Variants in NME9 observed in about 807,000 individuals in gnomAD.
NME9 encodes the protein thioredoxin domain-containing protein 6.
NME9 carries 48 observed loss-of-function variants against 44.4 expected under a neutral mutation model. That is an observed-to-expected ratio of 1.08 (90% CI 0.86 to 1.37). The LOEUF is 1.37. NME9 is among the 40% of genes most tolerant of loss of function. The pLI, the probability that NME9 is intolerant of heterozygous loss-of-function variation, is 0.00. For synonymous variants in NME9, 139 were observed against 147.1 expected (o/e 0.94, Z 0.40); for missense variants, 325 against 405.2 (o/e 0.80, Z 1.70).
chr3:138,269,078 G>A (rs754243046), intron 8 of NME9, among the ~76,000 whole-genome samples: 21 of 152,166 alleles, frequency 1.4e-4, no homozygotes, highest in Non-Finnish European at 1.9e-4. Context: ...TACATAGTAC[G>A]AGAGAGATGA....
At chr3:138,296,347 T>C (rs12972), downstream of NME9, 13,767 of 153,072 alleles carry the variant, frequency 0.09, 655 homozygotes, top group South Asian at 0.2. Flanking sequence ...TCTACAGATT[T>C]TCCAGGGTTT....
intron 9 of NME9, 98 bp from the exon 10 acceptor site, chr3:138,303,741 C>T: frequency 2.0e-6 from 2 of 1,015,402 alleles, no homozygotes; most frequent in African/African-American, 1.6e-5. Context: ...AATCAGCACC[C>T]TGCATTCCTG....
intron 8 of NME9, among the ~76,000 whole-genome samples, chr3:138,272,658 C>T (rs145894247): frequency 4.5e-4 from 69 of 152,248 alleles, no homozygotes; most frequent in African/African-American, 1.5e-3. Context: ...AAGTGGATCA[C>T]GAGGTCAGGA....
intron 8 of NME9, chr3:138,289,082 TG>T (rs2050704194): frequency 1.9e-6 from 3 of 1,613,456 alleles, no homozygotes; most frequent in Non-Finnish European, 2.5e-6. Flanking sequence ...CTTGCAGCCA[TG>T]TTTTGTATAT....
At chr3:138,327,705 C>G (rs2053882055) in intron 1 of NME9, among the ~76,000 whole-genome samples, 1 of 152,038 alleles carries the variant, frequency 6.6e-6, no homozygotes. Context: ...AGGGGTTTAC[C>G]TTATAGAGAG....
At chr3:138,322,298 C>T (rs2053514137) in intron 2 of NME9, among the ~76,000 whole-genome samples, 1 of 151,514 alleles carries the variant, frequency 6.6e-6, no homozygotes, top group Non-Finnish European at 1.5e-5. Context: ...GCTTTTCCCT[C>T]CCTCTTGGAC....
At chr3:138,281,538 G>A (rs2049929997) in intron 8 of NME9, among the ~76,000 whole-genome samples, 2 of 152,128 alleles carry the variant, frequency 1.3e-5, no homozygotes, top group South Asian at 4.2e-4. Flanking sequence ...TAATCCACCC[G>A]CTTTGGTCTC....
chr3:138,263,588 GC>G, intron 8 of NME9: 1 of 698,240 alleles, frequency 1.4e-6, no homozygotes, highest in Non-Finnish European at 2.5e-6. Flanking sequence ...TGAGCTGCCC[GC>G]CCCCAGCGCA....
intron 2 of NME9, among the ~76,000 whole-genome samples, chr3:138,322,685 A>G (rs1256662222): frequency 1.3e-5 from 2 of 152,138 alleles, no homozygotes; most frequent in East Asian, 1.9e-4. Flanking sequence ...TATATGCTCC[A>G]TATCTATATA....
At chr3:138,262,304 G>A (rs561572543) in exon 9 of NME9, 1 of 481,892 alleles carries the variant, frequency 2.1e-6, no homozygotes, top group East Asian at 3.4e-5. Flanking sequence ...ATGGAATTAG[G>A]TTTGGTCTAG....
intron 8 of NME9, among the ~76,000 whole-genome samples, chr3:138,293,222 C>T (rs781286762): frequency 4.6e-5 from 7 of 152,154 alleles, no homozygotes; most frequent in African/African-American, 1.4e-4. Flanking sequence ...TCTGCTTCCC[C>T]GAAGCTTACC....
intron 8 of NME9, among the ~76,000 whole-genome samples, chr3:138,294,630 T>G (rs1252132009): frequency 2.0e-5 from 3 of 152,186 alleles, no homozygotes; most frequent in Non-Finnish European, 4.4e-5. Context: ...GTATGCATAG[T>G]CTACTTGGTA....
At chr3:138,290,692 G>A in intron 8 of NME9, 1 of 1,214,500 alleles carries the variant, frequency 8.2e-7, no homozygotes. Context: ...ATTCTTTCGT[G>A]AAAGGGTTTG....
intron 8 of NME9, among the ~76,000 whole-genome samples, chr3:138,271,862 C>T (rs2048833752): frequency 6.8e-6 from 1 of 146,822 alleles, no homozygotes; most frequent in Non-Finnish European, 1.5e-5. Flanking sequence ...GTGGCATAAT[C>T]TCAGCTCACT....
chr3:138,322,508 G>A, intron 2 of NME9, among the ~76,000 whole-genome samples: 1 of 151,762 alleles, frequency 6.6e-6, no homozygotes, highest in African/African-American at 2.4e-5. Flanking sequence ...GTGTGTGTGT[G>A]TGTGTGTGTG....
intron 6 of NME9, among the ~76,000 whole-genome samples, chr3:138,311,377 C>T (rs1277536016): frequency 6.6e-6 from 1 of 152,128 alleles, no homozygotes; most frequent in Non-Finnish European, 1.5e-5. Context: ...GGAGGGGAAA[C>T]TTCCAAACTC....
At chr3:138,263,640 C>T (rs982923516) in intron 8 of NME9, 18 of 1,095,300 alleles carry the variant, frequency 1.6e-5, no homozygotes, top group East Asian at 2.4e-5. Context: ...CCAAAAACAA[C>T]GTTAAACTTT....
chr3:138,282,405 T>G (rs1238626351), intron 8 of NME9, among the ~76,000 whole-genome samples: 1 of 152,124 alleles, frequency 6.6e-6, no homozygotes, highest in Non-Finnish European at 1.5e-5. Context: ...CCCAGCACTT[T>G]GGGAGGCCAG....
intron 8 of NME9, among the ~76,000 whole-genome samples, chr3:138,284,879 C>T (rs536247552): frequency 9.2e-5 from 14 of 152,322 alleles, no homozygotes; most frequent in African/African-American, 3.4e-4. Flanking sequence ...ACCCTCTAGC[C>T]CCCTGGCACC....
Sources: gnomAD v4.1 joint callset for allele counts (sites outside exome capture counted in the v4.1 genomes callset) on GRCh38, gnomAD v4.1.1 for gene constraint, MANE v1.5 for transcripts, NCBI Gene and HGNC (gene_info 2026-07-23, HGNC 2026-07-21) for gene names.